TTLL8: variants seen among roughly 807,000 people sequenced by gnomAD.
TTLL8 encodes tubulin tyrosine ligase like 8.
In TTLL8, 65 loss-of-function variants were observed where a neutral mutation model predicts 77.8. That is an observed-to-expected ratio of 0.84 (90% confidence interval 0.68 to 1.03). The LOEUF (loss-of-function observed/expected upper bound fraction) is 1.03, where lower values mean the gene tolerates loss of function less well. Among genes scored for constraint, TTLL8 ranks in the 50% least tolerant of loss-of-function variants. The pLI, the probability that TTLL8 is intolerant of heterozygous loss-of-function variation, is 0.00. For synonymous variants in TTLL8, 402 were observed against 422.8 expected (o/e 0.95, Z 0.60); for missense variants, 910 against 1,004.5 (o/e 0.91, Z 1.27).
In TTLL8 at chr22:50,045,378, G is replaced by A. The variant is rs201774397; in HGVS notation, c.520C>T (p.Arg174Cys). 1.0e-3 allele frequency: 1,425 copies of A among 1,365,704 alleles called. 4 individuals are homozygous for A. Among genetic ancestry groups the A allele is most frequent in the South Asian group, 2.5e-3 (217 of 88,056 alleles). The allele number at this position is 1,365,704 out of a possible 1,614,324, so 84.6% of individuals were successfully genotyped here. The change falls in exon 6 of 14, where the codon CGC becomes TGC. Residue 174 changes from arginine (R) to cysteine (C), a missense_variant. Physicochemically the swap from Arg to Cys is radical, Grantham distance 180. Transcript: ENST00000266182. ...TTGAGGATGCTGGATGCCATGGTGC[G>A]CCGGAAGTCTTCTGAAAGGACAGCA... is the stretch of plus-strand genomic sequence containing the variant.
exon 11 of TTLL8, chr22:50,031,701 C>T: frequency 2.3e-6 from 3 of 1,308,806 alleles, no homozygotes; most frequent in Middle Eastern, 2.2e-4. Flanking sequence ...TCCACAGGAG[C>T]TCGAAGTTGC....
At chr22:50,053,608 T>A (rs1369528860) in intron 1 of TTLL8, among the ~76,000 whole-genome samples, 1 of 152,092 alleles carries the variant, frequency 6.6e-6, no homozygotes, top group African/African-American at 2.4e-5. Flanking sequence ...CAGAAGAAAA[T>A]CTGAAAATTA....
rs1469144805 is a variant in TTLL8 at position 50,027,321 on chromosome 22, C to T, written c.2203+3109G>A. 4.6e-5 allele frequency among the ~76,000 whole-genome samples: 7 copies of T among 151,588 alleles called. No individual in the cohort carries two copies. In the South Asian group the frequency reaches 1.0e-3, roughly 23 times the overall value. On this transcript the variant is annotated intron_variant, in intron 12 of 13. Coordinates refer to ENST00000266182, the Ensembl canonical transcript of TTLL8. ...GGCCAAGGTGCGTGGATTGCCTGAG[C>T]TTAGGAGTTTCCAACCAGCCTGGCC... is the stretch of plus-strand genomic sequence containing the variant.
rs973291401 is a variant in TTLL8 at position 50,044,919 on chromosome 22, CT to C, written c.643+335del. Reference sequence around the variant, plus strand: ...CGGGGCCCCTTTGGGGAGACTCAGGCTGCGGCATCGTGGTGGCCGTGGGGTG... The same window carrying C: ...CGGGGCCCCTTTGGGGAGACTCAGGCGCGGCATCGTGGTGGCCGTGGGGTG... On this transcript the variant is annotated intron_variant, in intron 6 of 13. Transcript: ENST00000266182. This position sits in a 1 kb window ranked among gnomAD's most constrained non-coding sequence, Gnocchi z 4.2. Among the ~76,000 whole-genome samples, 3 of 152,182 alleles carry C rather than the reference CT, an allele frequency of 2.0e-5. No homozygotes were observed. The highest frequency in any genetic ancestry group is 7.2e-5 in the African/African-American group (3 of 41,448).
chr22:50,051,575 T>C (rs1383676747), intron 1 of TTLL8, among the ~76,000 whole-genome samples: 1 of 152,242 alleles, frequency 6.6e-6, no homozygotes, highest in African/African-American at 2.4e-5. Flanking sequence ...CTGGATCAAA[T>C]GGTAGATCTA....
At chr22:50,054,856 G>A (rs567720229), upstream of TTLL8, among the ~76,000 whole-genome samples, 12 of 152,280 alleles carry the variant, frequency 7.9e-5, no homozygotes, top group Admixed American at 6.5e-4. Flanking sequence ...TCAGGAGTTC[G>A]AGACCAGCCT....
chr22:50,030,374 G>C (rs2061278125), intron 12 of TTLL8, 56 bp downstream of exon 13: 3 of 1,248,948 alleles, frequency 2.4e-6, no homozygotes, highest in Non-Finnish European at 3.1e-6. Context: ...GGCGAGGGTT[G>C]GGGATGCAGC....
At chr22:50,049,058 C>G in intron 3 of TTLL8, 191 bp downstream of exon 5, 2 of 773,218 alleles carry the variant, frequency 2.6e-6, no homozygotes, top group Non-Finnish European at 3.1e-6. Context: ...CATCCAGCAC[C>G]GAAGGGCTCG....
At chr22:50,019,130 C>G (rs1403145866) in intron 12 of TTLL8, among the ~76,000 whole-genome samples, 1 of 152,176 alleles carries the variant, frequency 6.6e-6, no homozygotes, top group African/African-American at 2.4e-5. Flanking sequence ...GTGTGACTTC[C>G]TTCACTTTAG....
chr22:50,053,845 T>C (rs764220741), intron 1 of TTLL8, among the ~76,000 whole-genome samples: 19 of 152,150 alleles, frequency 1.2e-4, no homozygotes, highest in Admixed American at 9.2e-4. Context: ...TTATGGAGAC[T>C]GTCTGACTGC....
chr22:50,053,966 T>A (rs2061457936), intron 1 of TTLL8, among the ~76,000 whole-genome samples: 1 of 148,706 alleles, frequency 6.7e-6, no homozygotes. Context: ...TCCGTCCGGG[T>A]GTGTCCGGCC....
At chr22:50,055,366 A>C (rs1301516506), upstream of TTLL8, 1 of 1,284,300 alleles carries the variant, frequency 7.8e-7, no homozygotes. Context: ...AGGACAAGGC[A>C]TCCAAGGCCA....
chr22:50,021,909 G>T (rs2061203753), intron 12 of TTLL8, among the ~76,000 whole-genome samples: 1 of 104,512 alleles, frequency 9.6e-6, no homozygotes, highest in Non-Finnish European at 2.1e-5. Flanking sequence ...TCCTCCATCT[G>T]ATGATGTGTA....
At chr22:50,055,364 G>A (rs1361763295), upstream of TTLL8, 5 of 1,284,394 alleles carry the variant, frequency 3.9e-6, no homozygotes, top group East Asian at 1.1e-4. Flanking sequence ...AAAGGACAAG[G>A]CATCCAAGGC....
chr22:50,023,470 G>A (rs1220611033), intron 12 of TTLL8, among the ~76,000 whole-genome samples: 1 of 152,018 alleles, frequency 6.6e-6, no homozygotes, highest in Non-Finnish European at 1.5e-5. Context: ...GGATCACAAG[G>A]TCAGGAGATC....
At chr22:50,036,598 TTTTC>T (rs2061338571) in intron 8 of TTLL8, among the ~76,000 whole-genome samples, 1 of 148,686 alleles carries the variant, frequency 6.7e-6, no homozygotes, top group African/African-American at 2.5e-5. Context: ...CTTTCTTTTC[TTTTC>T]TTTTTTTTTT....
exon 3 of TTLL8, chr22:50,049,269 C>G (rs2061430596): frequency 7.3e-7 from 1 of 1,367,598 alleles, no homozygotes; most frequent in Admixed American, 1.9e-5. Context: ...TGGATGTTGT[C>G]TGTTTTCTCC....
At chr22:50,046,099 G>A (rs1160806740) in intron 4 of TTLL8, 129 bp from the exon 7 acceptor site, 37 of 787,246 alleles carry the variant, frequency 4.7e-5, no homozygotes, top group South Asian at 2.8e-4. Context: ...CCCCTAGGGC[G>A]GATCCCTCCC....
At chr22:50,040,768 C>T (rs1008083669) in intron 8 of TTLL8, among the ~76,000 whole-genome samples, 3 of 152,182 alleles carry the variant, frequency 2.0e-5, no homozygotes, top group Admixed American at 6.5e-5. Flanking sequence ...ATGAAGCTGC[C>T]GCAGACCCTC....
Sources: allele counts gnomAD v4.1 joint callset (sites outside exome capture counted in the v4.1 genomes callset), GRCh38; gene constraint gnomAD v4.1.1; non-coding constraint Gnocchi (gnomAD v3.1); transcripts MANE v1.5; gene names NCBI Gene and HGNC (gene_info 2026-07-23, HGNC 2026-07-21).